The following NRG3 variants were observed in gnomAD, a reference collection of about 807,000 sequenced individuals.
NRG3 encodes the protein neuregulin 3.
A neutral mutation model predicts 66.9 loss-of-function variants in NRG3; 31 were observed. The ratio of observed to expected loss-of-function variants is 0.46; its 90% CI spans 0.35 to 0.63. NRG3 has a LOEUF of 0.63. Among genes scored for constraint, NRG3 ranks in the 20% least tolerant of loss-of-function variants. The pLI is 0.00. For missense variants in NRG3, 910 were observed against 878.9 expected (o/e 1.04, Z -0.45); for synonymous variants, 393 against 359.4 (o/e 1.09, Z -1.06).
intron 1 of NRG3, among the ~76,000 whole-genome samples, chr10:82,214,792 G>C (rs187860477): frequency 2.4e-4 from 36 of 152,244 alleles, no homozygotes; most frequent in Admixed American, 7.9e-4. Context: ...TTGTAGGTTT[G>C]TATTTGTTTT....
intron 2 of NRG3, among the ~76,000 whole-genome samples, chr10:82,660,834 G>A (rs1300113499): frequency 6.6e-6 from 1 of 151,986 alleles, no homozygotes; most frequent in Non-Finnish European, 1.5e-5. Flanking sequence ...ACAGAGAATG[G>A]TCTGTAGTTT....
intron 3 of NRG3, among the ~76,000 whole-genome samples, chr10:82,784,998 A>G (rs1591517813): frequency 1.3e-5 from 2 of 152,314 alleles, no homozygotes; most frequent in East Asian, 3.9e-4. Context: ...AATGTGGCAC[A>G]TATACACCAT....
intron 1 of NRG3, among the ~76,000 whole-genome samples, chr10:82,349,581 G>A (rs1435959054): frequency 2.0e-5 from 3 of 151,972 alleles, no homozygotes; most frequent in Non-Finnish European, 4.4e-5. Context: ...CTTGAGCTGT[G>A]GTGGGCTCCA....
intron 1 of NRG3, among the ~76,000 whole-genome samples, chr10:82,183,728 G>A (rs928992979): frequency 3.3e-5 from 5 of 152,170 alleles, no homozygotes; most frequent in African/African-American, 1.2e-4. Context: ...TGGGGAGAGA[G>A]AAGTTACTGG....
chr10:81,980,080 G>C (rs990363652), intron 1 of NRG3, among the ~76,000 whole-genome samples: 5 of 152,206 alleles, frequency 3.3e-5, no homozygotes, highest in Admixed American at 2.6e-4. Flanking sequence ...AAATGAGTAA[G>C]GATGTGATCT....
At position 82,654,826 on chromosome 10, in the gene NRG3, C is replaced by T. The variant is rs547070678; in HGVS notation, c.954-83751C>T. Among the ~76,000 whole-genome samples, 808 of 152,082 alleles carry T rather than the reference C, an allele frequency of 5.3e-3. 12 individuals are homozygous for T. The highest frequency in any genetic ancestry group is 0.018 in the African/African-American group (744 of 41,508). On this transcript the variant is annotated intron_variant, in intron 2 of 8. Transcript: ENST00000372141. ...AATAATTCTTCTCCGTGGAAAGAAA[C>T]CTTCCTTGGTGGCTGAATCTTCAGG... is the stretch of plus-strand genomic sequence containing the variant.
At chr10:81,902,762 C>T (rs570847126) in intron 1 of NRG3, among the ~76,000 whole-genome samples, 1 of 152,274 alleles carries the variant, frequency 6.6e-6, no homozygotes, top group Admixed American at 6.5e-5. Context: ...CCACAGGGTG[C>T]AGGGTGCATC....
intron 1 of NRG3, among the ~76,000 whole-genome samples, chr10:82,321,199 C>G (rs2081550547): frequency 6.6e-6 from 1 of 151,992 alleles, no homozygotes; most frequent in Admixed American, 6.5e-5. Context: ...AGCATTTGCC[C>G]TGGCTCCTGC....
At chr10:82,290,184 G>C (rs1423383343) in intron 1 of NRG3, among the ~76,000 whole-genome samples, 1 of 152,138 alleles carries the variant, frequency 6.6e-6, no homozygotes, top group Non-Finnish European at 1.5e-5. Flanking sequence ...AGAGTACTTA[G>C]GTGTAGTATG....
At chr10:82,590,521 G>T (rs2046920577) in intron 2 of NRG3, among the ~76,000 whole-genome samples, 1 of 152,140 alleles carries the variant, frequency 6.6e-6, no homozygotes, top group Non-Finnish European at 1.5e-5. Flanking sequence ...GGATGCTGTA[G>T]CATTGGCTTC....
intron 2 of NRG3, among the ~76,000 whole-genome samples, chr10:82,595,917 A>C (rs1227917279): frequency 6.6e-6 from 1 of 152,312 alleles, no homozygotes; most frequent in African/African-American, 2.4e-5. Flanking sequence ...TTGTTCCTTA[A>C]GTTTCCAAAT....
chr10:82,681,570 A>AT (rs1212944631), intron 2 of NRG3, among the ~76,000 whole-genome samples: 1 of 152,224 alleles, frequency 6.6e-6, no homozygotes, highest in Non-Finnish European at 1.5e-5. Context: ...CTTGGGCATA[A>AT]TATTCTCCTG....
chr10:82,040,012 C>T (rs531936087), intron 1 of NRG3, among the ~76,000 whole-genome samples: 1 of 137,758 alleles, frequency 7.3e-6, no homozygotes, highest in African/African-American at 2.5e-5. Flanking sequence ...CTCCACAGCA[C>T]AAAGTTAATA....
intron 2 of NRG3, among the ~76,000 whole-genome samples, chr10:82,440,687 C>T (rs190805523): frequency 3.7e-4 from 56 of 152,050 alleles, no homozygotes; most frequent in Middle Eastern, 6.8e-3. Flanking sequence ...TACCTGTAAT[C>T]CAGGAGGCTG....
chr10:82,723,776 T>C (rs1361419487), intron 2 of NRG3, among the ~76,000 whole-genome samples: 3 of 152,030 alleles, frequency 2.0e-5, no homozygotes, highest in East Asian at 1.9e-4. Context: ...GGTCAGGAGT[T>C]CGAGACCAAA....
chr10:82,115,118 C>T (rs976549443), intron 1 of NRG3, among the ~76,000 whole-genome samples: 6 of 152,090 alleles, frequency 3.9e-5, no homozygotes, highest in Admixed American at 6.6e-5. Flanking sequence ...GCAGTGGAGA[C>T]TTAGAGTACC....
intron 2 of NRG3, among the ~76,000 whole-genome samples, chr10:82,453,001 C>T (rs1342500298): frequency 6.6e-6 from 1 of 152,104 alleles, no homozygotes; most frequent in African/African-American, 2.4e-5. Flanking sequence ...GCCCCAGAGA[C>T]AGTTCTATAC....
intron 1 of NRG3, among the ~76,000 whole-genome samples, chr10:82,021,338 T>C (rs982392469): frequency 1.3e-5 from 2 of 152,056 alleles, no homozygotes; most frequent in African/African-American, 4.8e-5. Flanking sequence ...TGCTGGACTT[T>C]GAATTAAGTT....
At chr10:82,917,356 T>C (rs1845939495) in intron 4 of NRG3, among the ~76,000 whole-genome samples, 1 of 152,110 alleles carries the variant, frequency 6.6e-6, no homozygotes, top group Non-Finnish European at 1.5e-5. Context: ...GAAAAAGCCT[T>C]CACAATGAAG....
Sources: allele counts gnomAD v4.1 joint callset (sites outside exome capture counted in the v4.1 genomes callset), GRCh38; gene constraint gnomAD v4.1.1; transcripts MANE v1.5; gene names NCBI Gene and HGNC (gene_info 2026-07-23, HGNC 2026-07-21).